The following RNLS variants were observed in gnomAD, a reference collection of about 807,000 sequenced individuals.
RNLS encodes renalase, FAD dependent amine oxidase, also known as renalase.
RNLS carries 39 observed loss-of-function variants against 39.8 expected under a neutral mutation model. The ratio of observed to expected loss-of-function variants is 0.98; its 90% confidence interval spans 0.76 to 1.28. The LOEUF (loss-of-function observed/expected upper bound fraction) is 1.28. RNLS is among the 50% of genes most tolerant of loss of function. The pLI is 0.00. For synonymous variants in RNLS, 147 were observed against 150.7 expected, an observed-to-expected ratio of 0.98 and a Z score of 0.18; for missense variants, 410 against 413.3, an observed-to-expected ratio of 0.99 and a Z score of 0.07.
At chr10:88,556,793 C>A (rs1429571072) in intron 4 of RNLS, among the ~76,000 whole-genome samples, 2 of 152,146 alleles carry the variant, frequency 1.3e-5, no homozygotes, top group Non-Finnish European at 2.9e-5. Context: ...TGTCACAGAC[C>A]TGCTCACACT....
chr10:88,459,060 A>C (rs1842795607), intron 4 of RNLS, among the ~76,000 whole-genome samples: 1 of 151,958 alleles, frequency 6.6e-6, no homozygotes, highest in Admixed American at 6.6e-5. Context: ...ACTGTTCAAT[A>C]ACAGAAACAT....
chr10:88,392,772 C>G (rs893892760), intron 4 of RNLS, among the ~76,000 whole-genome samples: 3 of 152,090 alleles, frequency 2.0e-5, no homozygotes, highest in African/African-American at 7.2e-5. Flanking sequence ...AAAAGTATGG[C>G]ACACATGCAG....
intron 6 of RNLS, among the ~76,000 whole-genome samples, chr10:88,294,144 C>T (rs755174736): frequency 6.6e-4 from 101 of 152,254 alleles, no homozygotes; most frequent in Middle Eastern, 3.4e-3. Flanking sequence ...GAATGCGGTT[C>T]ATATTGATTC....
intron 4 of RNLS, among the ~76,000 whole-genome samples, chr10:88,482,449 T>C (rs556083899): frequency 8.5e-5 from 13 of 152,184 alleles, no homozygotes; most frequent in African/African-American, 1.4e-4. Flanking sequence ...TAGTGACTTT[T>C]TCATTTCAGG....
At chr10:88,426,701 C>T (rs1004181647) in intron 4 of RNLS, among the ~76,000 whole-genome samples, 4 of 151,942 alleles carry the variant, frequency 2.6e-5, no homozygotes, top group Non-Finnish European at 5.9e-5. Flanking sequence ...ATTATTATCC[C>T]CTTCCATACA....
intron 4 of RNLS, among the ~76,000 whole-genome samples, chr10:88,499,232 A>G (rs1845335330): frequency 2.0e-5 from 3 of 152,092 alleles, no homozygotes; most frequent in Admixed American, 6.6e-5. Flanking sequence ...AGTATTCTCT[A>G]CCTTCCTTAC....
intron 4 of RNLS, among the ~76,000 whole-genome samples, chr10:88,425,489 A>G (rs1854692094): frequency 6.6e-6 from 1 of 152,034 alleles, no homozygotes; most frequent in Admixed American, 6.6e-5. Flanking sequence ...TTTACCCACA[A>G]ATTAATGTTT....
the RNLS span, among the ~76,000 whole-genome samples, chr10:88,184,845 T>G: frequency 2.0e-5 from 3 of 152,134 alleles, no homozygotes; most frequent in African/African-American, 7.2e-5. Flanking sequence ...TGTCCTGAGG[T>G]ACTCCAGATC....
rs1448767673 is a variant in RNLS at position 88,284,651 on chromosome 10, T to C, written c.*703A>G. The C allele has an allele frequency of 1.0e-6, 1 of 985,098 alleles. No individual in the cohort carries two copies. Among genetic ancestry groups the C allele is most frequent in the Non-Finnish European group, 1.2e-6 (1 of 829,742 alleles). 61.0% of individuals were successfully genotyped at this position (985,098 alleles called of 1,614,324 possible). ...AAGGTAAGGATCGATATACTTTCTC[T>C]CTGTTTCTATTTAATTTTTATCTTT... On this transcript the variant is annotated 3_prime_UTR_variant, in exon 7 of 7. Coordinates refer to ENST00000331772, the MANE Select transcript of RNLS (RefSeq NM_001031709.3).
chr10:88,540,066 G>A (rs763177172), intron 4 of RNLS, among the ~76,000 whole-genome samples: 12 of 152,144 alleles, frequency 7.9e-5, no homozygotes, highest in South Asian at 6.2e-4. Context: ...TCTGGTTTTC[G>A]AAATGTATGT....
chr10:88,298,944 T>A (rs1350629051), intron 6 of RNLS, among the ~76,000 whole-genome samples: 2 of 152,240 alleles, frequency 1.3e-5, no homozygotes, highest in Non-Finnish European at 1.5e-5. Flanking sequence ...CCTCTTTCAA[T>A]ATATGATGTG....
Position 88,484,261 on chromosome 10 carries a change from T to C in RNLS, c.526+88642A>G, listed in dbSNP as rs147422871. ...ATTTAACCAATTTCATAATTCTAAATCTTTTATAATGACAAATTCTTCAAA... is the reference window on the plus strand; with the variant it reads ...ATTTAACCAATTTCATAATTCTAAACCTTTTATAATGACAAATTCTTCAAA... On this transcript the variant is annotated intron_variant, in intron 4 of 6. Coordinates refer to ENST00000331772, the MANE Select transcript of RNLS (RefSeq NM_001031709.3). 2.0e-5 allele frequency among the ~76,000 whole-genome samples: 3 copies of C among 152,188 alleles called. No individual in the cohort carries two copies. The East Asian group carries it at 5.8e-4, about 29-fold the overall frequency.
the RNLS span, among the ~76,000 whole-genome samples, chr10:88,191,252 T>C: frequency 5.9e-5 from 9 of 152,242 alleles, no homozygotes; most frequent in African/African-American, 2.2e-4. Context: ...TTGTATAGGG[T>C]GTCTACCTGC....
intron 5 of RNLS, among the ~76,000 whole-genome samples, chr10:88,341,561 T>C (rs548578267): frequency 6.6e-6 from 1 of 152,126 alleles, no homozygotes; most frequent in Non-Finnish European, 1.5e-5. Context: ...TATTTTGATC[T>C]TTTACTTGTA....
the RNLS span, among the ~76,000 whole-genome samples, chr10:88,172,842 G>GTTTGTTTTTTTTTTTTTTTTTTTT: frequency 2.3e-5 from 1 of 43,778 alleles, no homozygotes; most frequent in Non-Finnish European, 3.7e-5. Context: ...ATTTTGAGTT[G>GTTTGTTTTTTTTTTTTTTTTTTTT]TTTTTTTTTT....
chr10:88,298,425 G>A (rs957774290), intron 6 of RNLS, among the ~76,000 whole-genome samples: 2 of 152,114 alleles, frequency 1.3e-5, no homozygotes, highest in African/African-American at 4.8e-5. Context: ...AGGTTATGAA[G>A]ATTTACCAGT....
At chr10:88,539,214 A>C (rs145036373) in intron 4 of RNLS, among the ~76,000 whole-genome samples, 266 of 152,298 alleles carry the variant, frequency 1.7e-3, no homozygotes, top group Middle Eastern at 3.4e-3. Flanking sequence ...CTTTGTGTGC[A>C]TATATCTTCT....
At chr10:88,268,939 G>T (rs1003870256), downstream of RNLS, among the ~76,000 whole-genome samples, 15 of 152,318 alleles carry the variant, frequency 9.8e-5, no homozygotes, top group Admixed American at 9.8e-4. Context: ...AGCACATGGT[G>T]GCTTGCCCCA....
chr10:88,577,333 G>T lies in RNLS; in HGVS notation c.367+4234C>A, dbSNP rs77335205. Among the ~76,000 whole-genome samples, 1,397 of 152,184 alleles carry T rather than the reference G, an allele frequency of 9.2e-3. 25 individuals carry two copies. The highest frequency in any genetic ancestry group is 0.032 in the African/African-American group (1,314 of 41,512). ...GGCTCTACAAAATAGATGTTAAATT[G>T]GAGAGTATGAGCACCTCTCATTGCC... On this transcript the variant is annotated intron_variant, in intron 3 of 6. Coordinates refer to ENST00000331772, the MANE Select transcript of RNLS (RefSeq NM_001031709.3).
Sources: gnomAD v4.1 joint callset for allele counts (sites outside exome capture counted in the v4.1 genomes callset) on GRCh38, gnomAD v4.1.1 for gene constraint, MANE v1.5 for transcripts, NCBI Gene and HGNC (gene_info 2026-07-23, HGNC 2026-07-21) for gene names.